The following NPAS3 variants were observed in gnomAD, a reference collection of about 807,000 sequenced individuals.
The protein encoded by NPAS3 is neuronal PAS domain protein 3.
A neutral mutation model predicts 73.1 loss-of-function variants in NPAS3; 14 were observed. The observed-to-expected ratio is 0.19, with a 90% CI of 0.13 to 0.30. NPAS3 has a LOEUF of 0.30. NPAS3 is among the 10% of genes least tolerant of loss of function. NPAS3 has a pLI of 1.00. For missense variants in NPAS3, 1,096 were observed against 1,250.0 expected, an observed-to-expected ratio of 0.88 and a Z score of 1.86; for synonymous variants, 620 against 541.5, an observed-to-expected ratio of 1.14 and a Z score of -2.01.
chr14:32,963,798 A>C (rs2139245289), intron 1 of NPAS3, among the ~76,000 whole-genome samples: 1 of 152,286 alleles, frequency 6.6e-6, no homozygotes, highest in Admixed American at 6.5e-5. Flanking sequence ...TAGATTCTAA[A>C]GTTCTCTGTA....
intron 7 of NPAS3, among the ~76,000 whole-genome samples, chr14:33,772,161 A>G (rs186440823): frequency 5.4e-4 from 82 of 152,328 alleles, no homozygotes; most frequent in Admixed American, 5.2e-3. Flanking sequence ...TTAAAGGCAA[A>G]CAGAGACGTA....
intron 3 of NPAS3, among the ~76,000 whole-genome samples, chr14:33,243,768 TA>T (rs879413933): frequency 2.2e-3 from 316 of 143,620 alleles, no homozygotes; most frequent in Admixed American, 2.6e-3. Flanking sequence ...CTCTACCAAT[TA>T]AAAAAAAAAA....
intron 5 of NPAS3, among the ~76,000 whole-genome samples, chr14:33,665,885 T>C (rs2059437908): frequency 6.6e-6 from 1 of 151,884 alleles, no homozygotes; most frequent in Admixed American, 6.6e-5. Context: ...CACCATAAAC[T>C]GAGATCATTC....
chr14:33,595,205 T>A (rs2057198454), intron 5 of NPAS3, among the ~76,000 whole-genome samples: 1 of 152,212 alleles, frequency 6.6e-6, no homozygotes, highest in African/African-American at 2.4e-5. Flanking sequence ...GTTTTGAATC[T>A]TTTATTGTAA....
chr14:32,937,337 C>G (rs1224106478), upstream of NPAS3, among the ~76,000 whole-genome samples: 2 of 152,078 alleles, frequency 1.3e-5, no homozygotes, highest in Admixed American at 1.3e-4. Flanking sequence ...AGGAGTCCGC[C>G]GCGGGAGTGA....
intron 1 of NPAS3, among the ~76,000 whole-genome samples, chr14:32,952,178 T>C (rs1004912570): frequency 1.3e-5 from 2 of 152,082 alleles, no homozygotes; most frequent in Non-Finnish European, 2.9e-5. Context: ...TCAGTAATAA[T>C]TGAATATACC....
At chr14:33,141,152 GA>G (rs1240469187) in intron 2 of NPAS3, among the ~76,000 whole-genome samples, 1 of 152,188 alleles carries the variant, frequency 6.6e-6, no homozygotes, top group Non-Finnish European at 1.5e-5. Context: ...TCAAGAATTT[GA>G]CATGCCAATG....
intron 2 of NPAS3, among the ~76,000 whole-genome samples, chr14:33,138,210 C>A (rs563738504): frequency 6.7e-6 from 1 of 148,498 alleles, no homozygotes; most frequent in Non-Finnish European, 1.5e-5. Context: ...CCCCCTCCCC[C>A]CACCTCACAA....
At chr14:32,938,204 T>TG (rs2035761065), upstream of NPAS3, among the ~76,000 whole-genome samples, 3 of 152,262 alleles carry the variant, frequency 2.0e-5, no homozygotes, top group South Asian at 6.2e-4. Flanking sequence ...CTTGTGCTGC[T>TG]GCTGCACCGC....
At chr14:33,421,795 A>G (rs941010655) in intron 4 of NPAS3, among the ~76,000 whole-genome samples, 2 of 151,994 alleles carry the variant, frequency 1.3e-5, no homozygotes, top group African/African-American at 4.8e-5. Flanking sequence ...ACTCTGTTAT[A>G]TCTTGAAAAG....
At chr14:33,287,526 G>A (rs1248803240) in intron 3 of NPAS3, among the ~76,000 whole-genome samples, 1 of 152,050 alleles carries the variant, frequency 6.6e-6, no homozygotes, top group African/African-American at 2.4e-5. Flanking sequence ...CCTACTCCAT[G>A]CCCTCCTTGT....
intron 4 of NPAS3, among the ~76,000 whole-genome samples, chr14:33,521,836 C>T (rs1047890462): frequency 1.3e-5 from 2 of 152,096 alleles, no homozygotes; most frequent in African/African-American, 4.8e-5. Context: ...AGAAACATCT[C>T]GGAAATGCTA....
chr14:33,447,087 A>G (rs530343234), intron 4 of NPAS3, among the ~76,000 whole-genome samples: 1 of 152,372 alleles, frequency 6.6e-6, no homozygotes, highest in East Asian at 1.9e-4. Context: ...GGAGAGAGAG[A>G]TAGACCTGTA....
intron 5 of NPAS3, among the ~76,000 whole-genome samples, chr14:33,599,384 T>C (rs1394002763): frequency 2.0e-5 from 3 of 152,184 alleles, no homozygotes; most frequent in Non-Finnish European, 2.9e-5. Flanking sequence ...TTATGCCTAG[T>C]TGGAAAAATG....
chr14:33,279,098 G>T (rs1381781008), intron 3 of NPAS3, among the ~76,000 whole-genome samples: 1 of 152,078 alleles, frequency 6.6e-6, no homozygotes, highest in Non-Finnish European at 1.5e-5. Flanking sequence ...CAGATTTCTG[G>T]GTCCCACCCT....
chr14:33,093,231 G>A (rs1205618545), intron 2 of NPAS3, among the ~76,000 whole-genome samples: 5 of 152,106 alleles, frequency 3.3e-5, no homozygotes, highest in Admixed American at 6.6e-5. Context: ...CTGACAAAGG[G>A]CTAATATCCA....
rs1368993992 is a variant in NPAS3 at position 33,125,455 on chromosome 14, T to C, written c.140+69461T>C. Among the ~76,000 whole-genome samples the C allele has an allele frequency of 2.6e-5, 4 of 152,046 alleles. No individual in the cohort carries two copies. The East Asian group carries it at 7.7e-4, about 29-fold the overall frequency. On this transcript the variant is annotated intron_variant, in intron 2 of 11. Coordinates refer to ENST00000356141, the Ensembl canonical transcript of NPAS3. ...AAATGAGATTTTTTTTTCCTGACAA[T>C]TCAGTTCAGGTGTTAAGGATATAGA...
intron 5 of NPAS3, among the ~76,000 whole-genome samples, chr14:33,643,583 G>C (rs1052567002): frequency 2.0e-5 from 3 of 152,074 alleles, no homozygotes; most frequent in Non-Finnish European, 2.9e-5. Context: ...TGCTGTCACT[G>C]GTTCTGAAGG....
chr14:33,296,532 T>C (rs535164303), intron 3 of NPAS3, among the ~76,000 whole-genome samples: 2 of 152,384 alleles, frequency 1.3e-5, no homozygotes, highest in South Asian at 4.1e-4. Context: ...TTAGATAATG[T>C]AGTCCTAACA....
Sources: gnomAD v4.1 joint callset for allele counts (sites outside exome capture counted in the v4.1 genomes callset) on GRCh38, gnomAD v4.1.1 for gene constraint, MANE v1.5 for transcripts, NCBI Gene and HGNC (gene_info 2026-07-23, HGNC 2026-07-21) for gene names.